AGBL1: variants seen among roughly 807,000 people sequenced by gnomAD.
AGBL1 encodes cytosolic carboxypeptidase 4.
AGBL1 carries 130 observed loss-of-function variants against 118.9 expected under a neutral mutation model. That is an observed-to-expected ratio of 1.09 (90% CI 0.95 to 1.26). The LOEUF is 1.26. Among genes scored for constraint, AGBL1 ranks in the 50% most tolerant of loss-of-function variants. AGBL1 has a pLI of 0.00. For missense variants in AGBL1, 1,584 were observed against 1,298.1 expected (o/e 1.22, Z -3.38); for synonymous variants, 555 against 478.9 (o/e 1.16, Z -2.08).
chr15:86,432,120 G>A lies in AGBL1; in HGVS notation c.2555+34574G>A, dbSNP rs903997529. On this transcript the variant is annotated intron_variant, in intron 18 of 22. Coordinates refer to ENST00000614907, the MANE Select transcript of AGBL1 (RefSeq NM_001386094.1). ...TCTGTTTGCTAAGGACCTGGCATAA[G>A]GGCTTGAGTCCAGCTTGCCCTGGGA... Among the ~76,000 whole-genome samples the A allele has an allele frequency of 3.9e-5, 6 of 152,184 alleles. No individual in the cohort carries two copies. In the South Asian group the frequency reaches 6.2e-4, roughly 16 times the overall value.
At chr15:86,767,606 G>A (rs1350210710) in intron 22 of AGBL1, among the ~76,000 whole-genome samples, 1 of 151,828 alleles carries the variant, frequency 6.6e-6, no homozygotes, top group East Asian at 1.9e-4. Context: ...TTTTATATTT[G>A]TTATCTCATT....
intron 17 of AGBL1, among the ~76,000 whole-genome samples, chr15:86,357,079 G>T (rs779701882): frequency 5.3e-5 from 8 of 152,192 alleles, no homozygotes; most frequent in Non-Finnish European, 1.2e-4. Flanking sequence ...TGAGGACTCA[G>T]AATATTTTAA....
chr15:86,949,646 G>T (rs2080858549), intron 23 of AGBL1, among the ~76,000 whole-genome samples: 2 of 152,036 alleles, frequency 1.3e-5, no homozygotes, highest in African/African-American at 4.8e-5. Context: ...TCATAAAACT[G>T]CTAATGTTTT....
At chr15:86,876,296 T>C (rs1649083832) in intron 22 of AGBL1, among the ~76,000 whole-genome samples, 1 of 152,018 alleles carries the variant, frequency 6.6e-6, no homozygotes, top group Non-Finnish European at 1.5e-5. Flanking sequence ...GGTCTGTGCT[T>C]CGGGGCAGGA....
At chr15:86,769,067 C>G (rs543994279) in intron 22 of AGBL1, among the ~76,000 whole-genome samples, 4 of 151,922 alleles carry the variant, frequency 2.6e-5, no homozygotes, top group African/African-American at 9.6e-5. Context: ...TTGCCAGTGT[C>G]CAATCCTTGG....
At chr15:86,512,484 T>A (rs1400848643) in intron 18 of AGBL1, among the ~76,000 whole-genome samples, 2 of 151,926 alleles carry the variant, frequency 1.3e-5, no homozygotes, top group Non-Finnish European at 2.9e-5. Flanking sequence ...AACATTGTCC[T>A]CAAAAAGGTG....
intron 17 of AGBL1, among the ~76,000 whole-genome samples, chr15:86,298,554 G>A (rs1401717603): frequency 6.6e-6 from 1 of 151,794 alleles, no homozygotes; most frequent in Non-Finnish European, 1.5e-5. Flanking sequence ...TATTGATTCA[G>A]GAGAAAACAG....
chr15:86,605,005 G>T (rs1245220564), intron 21 of AGBL1, among the ~76,000 whole-genome samples: 6 of 151,970 alleles, frequency 3.9e-5, no homozygotes, highest in Admixed American at 1.3e-4. Flanking sequence ...ATGTTGGTCA[G>T]GCTGGTCTCG....
intron 17 of AGBL1, among the ~76,000 whole-genome samples, chr15:86,316,557 C>A (rs866471086): frequency 2.2e-4 from 33 of 152,248 alleles, no homozygotes; most frequent in Middle Eastern, 3.4e-3. Context: ...GTGGAGGTGA[C>A]CCCACTTCAG....
rs1250802149 is a variant in AGBL1, at chr15:86,534,245, G to A, written c.2685+11306G>A. On this transcript the variant is annotated intron_variant, in intron 19 of 22. Transcript: ENST00000614907. ...AGTAAGCACTGTAACAAAGGCCCATGTGAGCTTTGATAGGAACATAGATGA... is the reference window on the plus strand; with the variant it reads ...AGTAAGCACTGTAACAAAGGCCCATATGAGCTTTGATAGGAACATAGATGA... Among the ~76,000 whole-genome samples the A allele has an allele frequency of 2.0e-5, 3 of 151,092 alleles. No homozygotes were observed. In the East Asian group the frequency reaches 5.8e-4, roughly 29 times the overall value.
intron 17 of AGBL1, among the ~76,000 whole-genome samples, chr15:86,343,154 A>G (rs142915098): frequency 6.6e-6 from 1 of 152,192 alleles, no homozygotes; most frequent in Non-Finnish European, 1.5e-5. Flanking sequence ...AGCCCTGGAG[A>G]GTGATTTTAT....
At chr15:86,980,646 CA>C (rs1342202360) in intron 23 of AGBL1, among the ~76,000 whole-genome samples, 5 of 151,982 alleles carry the variant, frequency 3.3e-5, no homozygotes, top group Non-Finnish European at 7.4e-5. Flanking sequence ...CAAAAATGGA[CA>C]AAAACGTAGA....
At chr15:86,352,008 T>G (rs1014906841) in intron 17 of AGBL1, among the ~76,000 whole-genome samples, 1 of 152,330 alleles carries the variant, frequency 6.6e-6, no homozygotes, top group Admixed American at 6.5e-5. Flanking sequence ...CTGTGAGAAG[T>G]GCTGCCCAAT....
intron 22 of AGBL1, among the ~76,000 whole-genome samples, chr15:86,891,829 T>G (rs180919243): frequency 6.6e-6 from 1 of 152,278 alleles, no homozygotes; most frequent in Non-Finnish European, 1.5e-5. Context: ...ATTTTAACAC[T>G]GAATAAGTTT....
At chr15:86,867,478 AG>A (rs753642777) in intron 22 of AGBL1, among the ~76,000 whole-genome samples, 9 of 152,154 alleles carry the variant, frequency 5.9e-5, no homozygotes, top group Non-Finnish European at 1.0e-4. Context: ...TGAAAACAAC[AG>A]TTTTTTTAAA....
chr15:86,322,338 G>A (rs78695901), intron 17 of AGBL1, among the ~76,000 whole-genome samples: 6,682 of 151,804 alleles, frequency 0.044, 282 homozygotes, highest in East Asian at 0.21. Context: ...GATGTTAGGT[G>A]CGTATAAATT....
At chr15:86,248,627 A>G (rs1310220123) in intron 7 of AGBL1, among the ~76,000 whole-genome samples, 1 of 152,204 alleles carries the variant, frequency 6.6e-6, no homozygotes, top group Non-Finnish European at 1.5e-5. Context: ...AGTGCTTGCC[A>G]TGACTGAACT....
At chr15:86,302,788 A>G (rs1176092358) in intron 17 of AGBL1, among the ~76,000 whole-genome samples, 2 of 151,444 alleles carry the variant, frequency 1.3e-5, no homozygotes, top group Non-Finnish European at 2.9e-5. Context: ...CAAAAAAAAA[A>G]AAAAAAAAAA....
Position 86,257,952 on chromosome 15 carries a change from T to C in AGBL1, c.902-12T>C, listed in dbSNP as rs1357585163. On this transcript the variant is annotated splice_polypyrimidine_tract_variant and intron_variant, in intron 8 of 22. Coordinates refer to ENST00000614907, the MANE Select transcript of AGBL1 (RefSeq NM_001386094.1). The stretch of plus-strand genomic sequence containing the variant: ...GAAACTTCACTTATTTCACCTCTTT[T>C]TCCCCATCCAGAGGATTTTGAAGAT... The C allele has an allele frequency of 1.2e-6, 2 of 1,612,374 alleles. No individual in the cohort carries two copies. The highest frequency in any genetic ancestry group is 1.7e-5 in the Admixed American group (1 of 59,594).
Sources: gnomAD v4.1 joint callset for allele counts (sites outside exome capture counted in the v4.1 genomes callset) on GRCh38, gnomAD v4.1.1 for gene constraint, MANE v1.5 for transcripts, NCBI Gene and HGNC (gene_info 2026-07-23, HGNC 2026-07-21) for gene names.